Variants in NFIX observed in about 807,000 individuals in gnomAD.
The protein encoded by NFIX is nuclear factor I X.
In NFIX, 2 loss-of-function variants were observed where a neutral mutation model predicts 53.3. That is an observed-to-expected ratio of 0.04 (90% CI 0.02 to 0.12). The LOEUF (loss-of-function observed/expected upper bound fraction) is 0.12, where lower values mean the gene tolerates loss of function less well. Among genes scored for constraint, NFIX ranks in the 10% least tolerant of loss-of-function variants. NFIX has a pLI of 1.00. For synonymous variants in NFIX, 244 were observed against 289.0 expected, an observed-to-expected ratio of 0.84 and a Z score of 1.58; for missense variants, 310 against 674.5, an observed-to-expected ratio of 0.46 and a Z score of 5.99.
At chr19:13,086,741 A>G (rs2017801356) in intron 8 of NFIX, among the ~76,000 whole-genome samples, 1 of 152,202 alleles carries the variant, frequency 6.6e-6, no homozygotes, top group African/African-American at 2.4e-5. Context: ...ACACAACAGA[A>G]CTAAAGCACC....
rs192092665 is a variant in NFIX, at chr19:13,011,593, T to C, written c.28-13428T>C. ...GCTCCACTGCCCAATCATAGCTCTT[T>C]GATATCCCAGCCCGGCTGGAGAAAG... On this transcript the variant is annotated intron_variant, in intron 1 of 10. Coordinates refer to ENST00000592199, the MANE Select transcript of NFIX (RefSeq NM_001365902.3). This position sits in a 1 kb window ranked among gnomAD's most constrained non-coding sequence, Gnocchi z 6.5. 3.0e-4 allele frequency among the ~76,000 whole-genome samples: 45 copies of C among 152,168 alleles called. No individual in the cohort carries two copies. In the East Asian group the frequency reaches 8.6e-3, roughly 29 times the overall value.
rs1022916415 is a variant in NFIX, at chr19:13,009,280, C to T, written c.27+13416C>T. Among the ~76,000 whole-genome samples, 3 of 152,132 alleles carry T rather than the reference C, an allele frequency of 2.0e-5. No individual in the cohort carries two copies. The East Asian group carries it at 5.8e-4, about 29-fold the overall frequency. The stretch of plus-strand genomic sequence containing the variant: ...TCCTCACAATAAAAATAACAGCTAC[C>T]GACTCCAGAGCAATTATGCCTGGGC... On this transcript the variant is annotated intron_variant, in intron 1 of 10. Transcript: ENST00000592199. This position sits in a 1 kb window ranked among gnomAD's most constrained non-coding sequence, Gnocchi z 4.7.
At chr19:13,007,238 C>T (rs2012074240) in intron 1 of NFIX, among the ~76,000 whole-genome samples, 1 of 152,044 alleles carries the variant, frequency 6.6e-6, no homozygotes, top group Non-Finnish European at 1.5e-5. Context: ...GCTCTCTGGC[C>T]TTCTCTGCCG....
intron 2 of NFIX, among the ~76,000 whole-genome samples, chr19:13,048,696 C>CA (rs2015144425): frequency 2.0e-5 from 3 of 149,006 alleles, no homozygotes; most frequent in African/African-American, 7.5e-5. Flanking sequence ...CTCATCTCTG[C>CA]AAAAAATAAA....
chr19:13,041,676 C>G (rs1003261659), intron 2 of NFIX, among the ~76,000 whole-genome samples: 25 of 151,856 alleles, frequency 1.6e-4, no homozygotes, highest in Admixed American at 1.3e-4. Context: ...TGCCTGTAAT[C>G]TCAGCTGCTC....
Position 13,006,073 on chromosome 19 carries a change from A to G in NFIX, c.27+10209A>G, listed in dbSNP as rs569889076. The stretch of plus-strand genomic sequence containing the variant: ...TCGGCAGGGAGCAAAATCTGCAAAG[A>G]TGCCAGCCCCGGTGGGAGGGCAGAC... On this transcript the variant is annotated intron_variant, in intron 1 of 10. Transcript: ENST00000592199. The surrounding 1 kb of genome is among the most constrained non-coding windows in gnomAD (Gnocchi z 5.6). 6.6e-6 allele frequency among the ~76,000 whole-genome samples: 1 copy of G among 152,244 alleles called. No homozygotes were observed.
chr19:13,015,390 G>A (rs990965353), intron 1 of NFIX, among the ~76,000 whole-genome samples: 1 of 152,134 alleles, frequency 6.6e-6, no homozygotes, highest in African/African-American at 2.4e-5. Flanking sequence ...CCTTCCTGAG[G>A]CAGCCCCGCC....
chr19:13,096,456 G>A lies in NFIX; in HGVS notation c.*1807G>A, dbSNP rs1012337069. On this transcript the variant is annotated 3_prime_UTR_variant, in exon 11 of 11. Transcript: ENST00000592199. ...CTGCTACCCAGCTGGAAGCCACAAG[G>A]TGGCTGGCTCCAGGGGCGGCTTTTG... 2 of 152,186 alleles carry A rather than the reference G, an allele frequency of 1.3e-5. No homozygotes were observed. Among genetic ancestry groups the A allele is most frequent in the Non-Finnish European group, 2.9e-5 (2 of 68,044 alleles). The allele number at this position is 152,186 out of a possible 1,614,324, so 9.4% of individuals were successfully genotyped here. A position where few individuals can be genotyped will look rare whatever the true frequency, so the allele number is the denominator to read the frequency against.
chr19:13,024,774 CCT>C, intron 1 of NFIX: 1 of 1,500,180 alleles, frequency 6.7e-7, no homozygotes, highest in Admixed American at 2.0e-5. Context: ...GCTCCCGGTG[CCT>C]CTGTCTGGCT....
intron 7 of NFIX, among the ~76,000 whole-genome samples, chr19:13,079,956 G>GCA (rs1330682799): frequency 6.6e-6 from 1 of 152,256 alleles, no homozygotes; most frequent in Non-Finnish European, 1.5e-5. Context: ...GTGGCTGGGT[G>GCA]CACACCAGCT....
chr19:13,051,594 G>A lies in NFIX; in HGVS notation c.560-21453G>A, dbSNP rs1396954805. On this transcript the variant is annotated intron_variant, in intron 2 of 10. Coordinates refer to ENST00000592199, the MANE Select transcript of NFIX (RefSeq NM_001365902.3). The surrounding 1 kb of genome is among the most constrained non-coding windows in gnomAD (Gnocchi z 5.1). ...TCCAAGCCTCAAGTCAGGCAGGTTC[G>A]GGGAGGAGACAGCCTCTCAGGCGAG... Among the ~76,000 whole-genome samples, 2 of 152,144 alleles carry A rather than the reference G, an allele frequency of 1.3e-5. No individual in the cohort carries two copies. The highest frequency in any genetic ancestry group is 6.5e-5 in the Admixed American group (1 of 15,282).
rs1326750714 is a variant in NFIX at position 13,061,575 on chromosome 19, T to TTCGCTCCCTGAACCGCG, written c.560-11466_560-11450dup. ...GCTATGGCGTCCAGGAGTGCAGCGC[T>TTCGCTCCCTGAACCGCG]TCGCTCCCTGAACCGCGTCGCTTCC... On this transcript the variant is annotated intron_variant, in intron 2 of 10. Coordinates refer to ENST00000592199, the MANE Select transcript of NFIX (RefSeq NM_001365902.3). Among the ~76,000 whole-genome samples the TTCGCTCCCTGAACCGCG allele has an allele frequency of 3.9e-5, 6 of 152,074 alleles. No homozygotes were observed. The East Asian group carries it at 1.2e-3, about 29-fold the overall frequency.
chr19:13,059,995 C>T (rs1403436854), intron 2 of NFIX, among the ~76,000 whole-genome samples: 2 of 151,826 alleles, frequency 1.3e-5, no homozygotes, highest in Admixed American at 6.6e-5. Context: ...CCATTGTTGC[C>T]CTGGGTGGTC....
At chr19:13,061,886 C>G (rs750501555) in intron 2 of NFIX, among the ~76,000 whole-genome samples, 4 of 152,198 alleles carry the variant, frequency 2.6e-5, no homozygotes, top group Admixed American at 6.5e-5. Flanking sequence ...GAGAGACACA[C>G]TGGAGGTCTA....
chr19:13,075,764 T>C, intron 6 of NFIX, 93 bp downstream of exon 6: 5 of 1,423,198 alleles, frequency 3.5e-6, no homozygotes, highest in Non-Finnish European at 4.8e-6. Flanking sequence ...CCACCAGTTG[T>C]CCCCCTGTCG....
At position 13,025,683 on chromosome 19, in the gene NFIX, C is replaced by T. The variant is rs1599739304; in HGVS notation, c.559+131C>T. 2 of 1,027,770 alleles carry T rather than the reference C, an allele frequency of 1.9e-6. No individual in the cohort carries two copies. The highest frequency in any genetic ancestry group is 5.1e-5 in the East Asian group (2 of 39,114). The allele number at this position is 1,027,770 out of a possible 1,614,324, so 63.7% of individuals were successfully genotyped here. On this transcript the variant is annotated intron_variant, in intron 2 of 10. Coordinates refer to ENST00000592199, the MANE Select transcript of NFIX (RefSeq NM_001365902.3). The surrounding 1 kb of genome is among the most constrained non-coding windows in gnomAD (Gnocchi z 7.5). Reference sequence around the variant, plus strand: ...ACTGGTGTATGCCCGTCCTGCGGGGCCTGCAACACGGTTCTATGGGCCCTT... The same window carrying T: ...ACTGGTGTATGCCCGTCCTGCGGGGTCTGCAACACGGTTCTATGGGCCCTT...
chr19:13,096,728 CCCTCGACGACA>C lies in NFIX; in HGVS notation c.*2080_*2090del, dbSNP rs1156461124. 1 of 152,284 alleles carries C rather than the reference CCCTCGACGACA, an allele frequency of 6.6e-6. No individual in the cohort carries two copies. Among genetic ancestry groups the C allele is most frequent in the Non-Finnish European group, 1.5e-5 (1 of 67,970 alleles). The allele number at this position is 152,284 out of a possible 1,614,324, so 9.4% of individuals were successfully genotyped here. A position where few individuals can be genotyped will look rare whatever the true frequency, so the allele number is the denominator to read the frequency against. On this transcript the variant is annotated 3_prime_UTR_variant, in exon 11 of 11. Coordinates refer to ENST00000592199, the MANE Select transcript of NFIX (RefSeq NM_001365902.3). ...TCCCTGTCCGGCCCACGTGCCCTTT[CCCTCGACGACA>C]GTCGAGGGCTCGGGCTCTGTGGGAC... is the stretch of plus-strand genomic sequence containing the variant.
intron 1 of NFIX, among the ~76,000 whole-genome samples, chr19:13,003,246 T>C (rs903151896): frequency 1.3e-5 from 2 of 151,998 alleles, no homozygotes; most frequent in African/African-American, 4.8e-5. Context: ...ACAAAGAATC[T>C]TGCCCTCACT....
At chr19:13,007,683 G>A (rs774239240) in intron 1 of NFIX, among the ~76,000 whole-genome samples, 5 of 152,156 alleles carry the variant, frequency 3.3e-5, no homozygotes, top group African/African-American at 4.8e-5. Flanking sequence ...AAGGGACTTC[G>A]GAGGAACCGG....
Sources: gnomAD v4.1 joint callset for allele counts (sites outside exome capture counted in the v4.1 genomes callset) on GRCh38, gnomAD v4.1.1 for gene constraint, Gnocchi (gnomAD v3.1) non-coding constraint, MANE v1.5 for transcripts, NCBI Gene and HGNC (gene_info 2026-07-23, HGNC 2026-07-21) for gene names.